Variants in WWOX observed in about 807,000 individuals in gnomAD.
WWOX encodes WW domain-containing oxidoreductase.
WWOX carries 69 observed loss-of-function variants against 46.2 expected under a neutral mutation model. The ratio of observed to expected loss-of-function variants is 1.49; its 90% confidence interval spans 1.23 to 1.82. The LOEUF is 1.82. Among genes scored for constraint, WWOX ranks in the 40% most tolerant of loss-of-function variants. The pLI is 0.00. For missense variants in WWOX, 919 were observed against 542.6 expected (o/e 1.69, Z -6.89); for synonymous variants, 359 against 202.6 (o/e 1.77, Z -6.56).
At chr16:79,195,214 A>T (rs2051215325) in intron 8 of WWOX, among the ~76,000 whole-genome samples, 1 of 152,054 alleles carries the variant, frequency 6.6e-6, no homozygotes, top group Non-Finnish European at 1.5e-5. Context: ...TGCAACTGAG[A>T]TTGGCATGTA....
chr16:78,602,934 T>A (rs2045656964), intron 8 of WWOX, among the ~76,000 whole-genome samples: 1 of 152,204 alleles, frequency 6.6e-6, no homozygotes, highest in South Asian at 2.1e-4. Flanking sequence ...TTGTCATTGC[T>A]GATTAGCTTT....
intron 8 of WWOX, chr16:78,535,203 T>C (rs2043729372): frequency 6.6e-6 from 1 of 152,172 alleles, no homozygotes; most frequent in African/African-American, 2.4e-5. Flanking sequence ...GGACACAGGA[T>C]CTGCTCAGGG....
chr16:79,080,791 G>A (rs745599724), intron 8 of WWOX, among the ~76,000 whole-genome samples: 6 of 152,106 alleles, frequency 3.9e-5, no homozygotes, highest in Non-Finnish European at 5.9e-5. Context: ...ACACAGGGAG[G>A]CAACATCTCT....
intron 8 of WWOX, among the ~76,000 whole-genome samples, chr16:78,987,586 G>C (rs2046806467): frequency 6.6e-6 from 1 of 152,164 alleles, no homozygotes; most frequent in South Asian, 2.1e-4. Context: ...AATTGGAAAA[G>C]ACCTCTTCAA....
intron 8 of WWOX, among the ~76,000 whole-genome samples, chr16:78,864,408 C>G: frequency 6.6e-6 from 1 of 152,068 alleles, no homozygotes; most frequent in East Asian, 1.9e-4. Flanking sequence ...GATGGGACCA[C>G]AGGCGCATGC....
intron 8 of WWOX, among the ~76,000 whole-genome samples, chr16:78,590,288 T>C (rs2045321867): frequency 1.3e-5 from 2 of 152,194 alleles, no homozygotes; most frequent in Non-Finnish European, 2.9e-5. Context: ...CTTTCTATCC[T>C]TCAAAAAGGC....
At chr16:79,114,419 C>T (rs1567559350) in intron 8 of WWOX, among the ~76,000 whole-genome samples, 1 of 151,196 alleles carries the variant, frequency 6.6e-6, no homozygotes, top group Non-Finnish European at 1.5e-5. Flanking sequence ...TACCTACATG[C>T]ATGCACATAC....
intron 8 of WWOX, among the ~76,000 whole-genome samples, chr16:78,710,691 T>C (rs1078285): frequency 0.54 from 80,424 of 149,874 alleles, 21,782 homozygotes; most frequent in Admixed American, 0.57. Context: ...CATGGCTCAC[T>C]GTAGCCTCAA....
At chr16:78,331,823 T>A (rs1327670791) in intron 5 of WWOX, among the ~76,000 whole-genome samples, 1 of 128,752 alleles carries the variant, frequency 7.8e-6, no homozygotes, top group African/African-American at 2.5e-5. Context: ...ATTCATTGCT[T>A]TATTTAATTC....
At chr16:78,334,603 A>G (rs1432698722) in intron 5 of WWOX, among the ~76,000 whole-genome samples, 2 of 152,202 alleles carry the variant, frequency 1.3e-5, no homozygotes, top group East Asian at 3.8e-4. Context: ...CAAACAGAAC[A>G]TAGAGTTGTG....
At chr16:78,285,252 G>A (rs1017482747) in intron 5 of WWOX, among the ~76,000 whole-genome samples, 1 of 151,964 alleles carries the variant, frequency 6.6e-6, no homozygotes, top group Non-Finnish European at 1.5e-5. Flanking sequence ...GGGCAACACA[G>A]TGAGACCCTG....
intron 8 of WWOX, among the ~76,000 whole-genome samples, chr16:79,177,137 C>A (rs1405439316): frequency 2.6e-5 from 4 of 152,190 alleles, no homozygotes; most frequent in Non-Finnish European, 4.4e-5. Flanking sequence ...GCACTGTTTT[C>A]CCCTTCGCTG....
intron 5 of WWOX, among the ~76,000 whole-genome samples, chr16:78,252,053 A>T (rs2037998669): frequency 6.6e-6 from 1 of 152,196 alleles, no homozygotes; most frequent in African/African-American, 2.4e-5. Flanking sequence ...CCTCATTTTG[A>T]TCTCTGGGAT....
rs548492858 is a variant in WWOX at position 78,227,577 on chromosome 16, C to G, written c.516+63288C>G. Among the ~76,000 whole-genome samples, 15 of 152,198 alleles carry G rather than the reference C, an allele frequency of 9.9e-5. No homozygotes were observed. In the South Asian group the frequency reaches 3.1e-3, roughly 32 times the overall value. ...TTGAAGGACCGCAGGAGAAGTTGTT[C>G]AGGTAGAAACATACAAGGGCCGGAT... On this transcript the variant is annotated intron_variant, in intron 5 of 8. Transcript: ENST00000566780.
At chr16:79,015,335 A>G (rs1047412285) in intron 8 of WWOX, among the ~76,000 whole-genome samples, 1 of 152,156 alleles carries the variant, frequency 6.6e-6, no homozygotes, top group Non-Finnish European at 1.5e-5. Context: ...TGCCACCATG[A>G]TTTCCAGCCG....
chr16:78,739,235 C>A (rs1450338055), intron 8 of WWOX, among the ~76,000 whole-genome samples: 2 of 152,236 alleles, frequency 1.3e-5, no homozygotes, highest in African/African-American at 4.8e-5. Flanking sequence ...AAGTGTGATC[C>A]TGGAGGCCAT....
Position 79,106,582 on chromosome 16 carries a change from A to ATTTTTTTTTT in WWOX, c.1057-105002_1057-104993dup, listed in dbSNP as rs752318131. 129 of 79,518 alleles carry ATTTTTTTTTT rather than the reference A, an allele frequency of 1.6e-3. 8 individuals carry two copies. Among genetic ancestry groups the ATTTTTTTTTT allele is most frequent in the African/African-American group, 6.2e-3 (117 of 18,836 alleles). 4.9% of individuals were successfully genotyped at this position (79,518 alleles called of 1,614,324 possible). On this transcript the variant is annotated intron_variant, in intron 8 of 8. Transcript: ENST00000566780. ...CCTAAAATGACTCTTTCTTAAAATAATTTTTTTTTTTTTTTTTTTTTTTTT... is the reference window on the plus strand; with the variant it reads ...CCTAAAATGACTCTTTCTTAAAATAATTTTTTTTTTTTTTTTTTTTTTTTTTTTTTTTTTT...
At chr16:79,183,141 C>T (rs554188819) in intron 8 of WWOX, among the ~76,000 whole-genome samples, 13 of 152,274 alleles carry the variant, frequency 8.5e-5, no homozygotes, top group African/African-American at 1.4e-4. Context: ...AGACCCAAGC[C>T]GAGGGGAGAA....
chr16:78,460,551 A>T (rs1476790911), intron 8 of WWOX, among the ~76,000 whole-genome samples: 1 of 152,160 alleles, frequency 6.6e-6, no homozygotes, highest in Admixed American at 6.5e-5. Context: ...ACACCATACT[A>T]GCTCTTCCAC....
Sources: allele counts gnomAD v4.1 joint callset (sites outside exome capture counted in the v4.1 genomes callset), GRCh38; gene constraint gnomAD v4.1.1; transcripts MANE v1.5; gene names NCBI Gene and HGNC (gene_info 2026-07-23, HGNC 2026-07-21).